The following HHAT variants were observed in gnomAD, a reference collection of about 807,000 sequenced individuals.
The protein encoded by HHAT is protein-cysteine N-palmitoyltransferase HHAT.
Under a neutral mutation model 70.8 loss-of-function variants are expected in HHAT, and 47 were observed. The observed-to-expected ratio is 0.66, with a 90% CI of 0.53 to 0.85. HHAT has a LOEUF of 0.85. HHAT is among the 40% of genes least tolerant of loss of function. The pLI, the probability that HHAT is intolerant of heterozygous loss-of-function variation, is 0.00. For missense variants in HHAT, 609 were observed against 604.8 expected (o/e 1.01, Z -0.07); for synonymous variants, 228 against 247.6 (o/e 0.92, Z 0.74).
At chr1:210,422,755 G>T (rs141381010) in intron 7 of HHAT, among the ~76,000 whole-genome samples, 3,443 of 152,106 alleles carry the variant, frequency 0.023, 134 homozygotes, top group African/African-American at 0.079. Flanking sequence ...TCTTACCTCA[G>T]CCTCCTGAGT....
At chr1:210,401,168 G>A (rs2092051729) in intron 5 of HHAT, among the ~76,000 whole-genome samples, 1 of 152,218 alleles carries the variant, frequency 6.6e-6, no homozygotes, top group African/African-American at 2.4e-5. Flanking sequence ...GGGCTGAAGT[G>A]CAGTGGTGCG....
At chr1:210,531,054 C>G (rs1458016019) in intron 9 of HHAT, among the ~76,000 whole-genome samples, 1 of 152,194 alleles carries the variant, frequency 6.6e-6, no homozygotes, top group Non-Finnish European at 1.5e-5. Flanking sequence ...ATGGTATAGC[C>G]TACTGCACAC....
intron 6 of HHAT, among the ~76,000 whole-genome samples, chr1:210,414,305 T>C (rs563043434): frequency 5.3e-4 from 81 of 152,270 alleles, no homozygotes; most frequent in African/African-American, 1.9e-3. Context: ...TAGTACCGTC[T>C]CTTTGGGGGT....
intron 11 of HHAT, among the ~76,000 whole-genome samples, chr1:210,636,825 G>T (rs796878019): frequency 4.6e-5 from 7 of 152,268 alleles, no homozygotes; most frequent in African/African-American, 1.4e-4. Context: ...TTAGGTAAAT[G>T]CCTTATTAGT....
At chr1:210,381,954 G>A (rs1018153471) in intron 3 of HHAT, among the ~76,000 whole-genome samples, 9 of 152,194 alleles carry the variant, frequency 5.9e-5, no homozygotes, top group Admixed American at 5.9e-4. Flanking sequence ...TTAGCTATGC[G>A]TTTGTGTTGT....
intron 10 of HHAT, among the ~76,000 whole-genome samples, chr1:210,610,692 A>G (rs926387734): frequency 6.6e-6 from 1 of 151,916 alleles, no homozygotes; most frequent in African/African-American, 2.4e-5. Flanking sequence ...AATTTTTTAT[A>G]TGGTATAAGG....
chr1:210,663,814 G>C (rs577851592), intron 11 of HHAT, among the ~76,000 whole-genome samples: 1 of 152,230 alleles, frequency 6.6e-6, no homozygotes, highest in Non-Finnish European at 1.5e-5. Flanking sequence ...TGCAGTCTGC[G>C]TTTCAGCCTG....
chr1:210,451,063 G>C (rs1048776582), intron 7 of HHAT, among the ~76,000 whole-genome samples: 2 of 148,958 alleles, frequency 1.3e-5, no homozygotes, highest in African/African-American at 2.5e-5. Flanking sequence ...CTCCAGCCTG[G>C]GCAACAGAGC....
intron 8 of HHAT, among the ~76,000 whole-genome samples, chr1:210,480,367 C>T (rs574348982): frequency 5.9e-5 from 9 of 152,264 alleles, no homozygotes; most frequent in African/African-American, 1.4e-4. Context: ...AATCAGACCT[C>T]GGCGATGACA....
intron 7 of HHAT, among the ~76,000 whole-genome samples, chr1:210,444,425 C>T (rs1226136602): frequency 7.0e-6 from 1 of 141,918 alleles, no homozygotes; most frequent in Non-Finnish European, 1.6e-5. Flanking sequence ...GGAATGGTAC[C>T]AGTTCCTCCT....
chr1:210,426,403 A>C (rs1246423134), intron 7 of HHAT, among the ~76,000 whole-genome samples: 5 of 152,204 alleles, frequency 3.3e-5, no homozygotes, highest in Non-Finnish European at 7.3e-5. Context: ...AAGAGAGGGC[A>C]TCCTTATCTT....
intron 10 of HHAT, among the ~76,000 whole-genome samples, chr1:210,595,010 A>G (rs1368007344): frequency 6.6e-6 from 1 of 151,934 alleles, no homozygotes; most frequent in Non-Finnish European, 1.5e-5. Context: ...ACATGTGCAC[A>G]ACGTGCAGGT....
intron 5 of HHAT, among the ~76,000 whole-genome samples, chr1:210,401,774 G>C (rs1239916916): frequency 6.6e-6 from 1 of 152,174 alleles, no homozygotes; most frequent in East Asian, 1.9e-4. Context: ...TCTGAGTTGA[G>C]TTTCCTGTGC....
intron 9 of HHAT, among the ~76,000 whole-genome samples, chr1:210,527,100 G>T (rs1352453078): frequency 6.6e-6 from 1 of 152,058 alleles, no homozygotes; most frequent in Non-Finnish European, 1.5e-5. Context: ...GGGTGCCAGG[G>T]TAACCAACCA....
chr1:210,562,688 G>A (rs972879946), intron 9 of HHAT, among the ~76,000 whole-genome samples: 3 of 151,456 alleles, frequency 2.0e-5, no homozygotes, highest in Admixed American at 6.6e-5. Context: ...AAGTTTTAGA[G>A]TACATGTGCA....
chr1:210,614,268 T>C (rs1443273377), intron 10 of HHAT, among the ~76,000 whole-genome samples: 4 of 152,194 alleles, frequency 2.6e-5, no homozygotes, highest in Non-Finnish European at 4.4e-5. Flanking sequence ...CATTGATTTT[T>C]GTATCCTGCA....
chr1:210,595,582 T>A (rs1438630177), intron 10 of HHAT, among the ~76,000 whole-genome samples: 9 of 152,292 alleles, frequency 5.9e-5, no homozygotes, highest in South Asian at 2.1e-4. Context: ...AGTCCCACCA[T>A]CAGTGTAAAA....
intron 9 of HHAT, among the ~76,000 whole-genome samples, chr1:210,585,940 A>C (rs1573525060): frequency 6.6e-6 from 1 of 152,274 alleles, no homozygotes; most frequent in East Asian, 1.9e-4. Context: ...CAGATATTGC[A>C]GGTGGGGGGT....
At chr1:210,673,077 A>C (rs192025822) in intron 11 of HHAT, among the ~76,000 whole-genome samples, 1 of 152,366 alleles carries the variant, frequency 6.6e-6, no homozygotes, top group East Asian at 1.9e-4. Flanking sequence ...ATTTAAATTT[A>C]TAAAGCTCTC....
Sources: allele counts gnomAD v4.1 joint callset (sites outside exome capture counted in the v4.1 genomes callset), GRCh38; gene constraint gnomAD v4.1.1; transcripts MANE v1.5; gene names NCBI Gene and HGNC (gene_info 2026-07-23, HGNC 2026-07-21).